LPP: variants seen among roughly 807,000 people sequenced by gnomAD.
LPP encodes the protein lipoma-preferred partner.
LPP carries 38 observed loss-of-function variants against 60.4 expected under a neutral mutation model. The ratio of observed to expected loss-of-function variants is 0.63; its 90% CI spans 0.49 to 0.83. The LOEUF (loss-of-function observed/expected upper bound fraction) is 0.83, where lower values mean the gene tolerates loss of function less well. Ranked by LOEUF, LPP falls within the 40% of genes least tolerant of loss-of-function variation. The probability of loss-of-function intolerance (pLI) is 0.00; values close to 1 mark genes in which losing one functional copy is unlikely to be tolerated. For missense variants in LPP, 902 were observed against 783.6 expected, an observed-to-expected ratio of 1.15 and a Z score of -1.80; for synonymous variants, 328 against 290.8, an observed-to-expected ratio of 1.13 and a Z score of -1.30.
In LPP at chr3:188,613,997, G is replaced by A. The variant is rs181965024; in HGVS notation, c.1113+4153G>A. Among the ~76,000 whole-genome samples, 66 of 151,294 alleles carry A rather than the reference G, an allele frequency of 4.4e-4. No individual in the cohort carries two copies. In the East Asian group the frequency reaches 0.01, roughly 24 times the overall value. ...GGCTGGGGTGCAATGACGTGATCTCGGCTCACTGCAACCTCCACCTCCCGG... is the reference window on the plus strand; with the variant it reads ...GGCTGGGGTGCAATGACGTGATCTCAGCTCACTGCAACCTCCACCTCCCGG... On this transcript the variant is annotated intron_variant, in intron 7 of 11. Coordinates refer to ENST00000617246, the MANE Select transcript of LPP (RefSeq NM_001375462.1).
chr3:188,618,027 A>G (rs960271553), intron 7 of LPP, among the ~76,000 whole-genome samples: 1 of 152,212 alleles, frequency 6.6e-6, no homozygotes, highest in African/African-American at 2.4e-5. Flanking sequence ...TTATTGATAA[A>G]TAATTTCTGG....
At chr3:188,779,512 G>A (rs188329598) in intron 9 of LPP, among the ~76,000 whole-genome samples, 1 of 152,002 alleles carries the variant, frequency 6.6e-6, no homozygotes, top group East Asian at 1.9e-4. Context: ...TTCATTTTGT[G>A]CCAAGTAACC....
At chr3:188,592,553 T>TTTTTTTTTTTTTTTTG (rs1553936328) in intron 6 of LPP, among the ~76,000 whole-genome samples, 50 of 121,318 alleles carry the variant, frequency 4.1e-4, no homozygotes, top group East Asian at 9.9e-4. Flanking sequence ...TTAGTTTTGT[T>TTTTTTTTTTTTTTTTG]TTTGTTTTTT....
At chr3:188,312,548 A>G (rs984313306) in intron 2 of LPP, among the ~76,000 whole-genome samples, 6 of 152,254 alleles carry the variant, frequency 3.9e-5, no homozygotes, top group Non-Finnish European at 7.4e-5. Flanking sequence ...GTGATATTTA[A>G]AAAGAAATTT....
intron 7 of LPP, among the ~76,000 whole-genome samples, chr3:188,662,381 T>C (rs185412478): frequency 2.7e-4 from 41 of 152,318 alleles, no homozygotes; most frequent in African/African-American, 8.7e-4. Flanking sequence ...ATAGATACCA[T>C]GGACTTTGCT....
intron 6 of LPP, among the ~76,000 whole-genome samples, chr3:188,586,483 G>T (rs1364304911): frequency 2.0e-5 from 3 of 152,142 alleles, no homozygotes; most frequent in Non-Finnish European, 4.4e-5. Context: ...GAAAACTTTG[G>T]AAAGTACATG....
In LPP at chr3:188,706,513, A is replaced by G. The variant is rs554250754; in HGVS notation, c.1114-1754A>G. Among the ~76,000 whole-genome samples the G allele has an allele frequency of 5.3e-5, 8 of 152,360 alleles. No homozygotes were observed. In the East Asian group the frequency reaches 1.5e-3, roughly 29 times the overall value. On this transcript the variant is annotated intron_variant, in intron 7 of 11. Coordinates refer to ENST00000617246, the MANE Select transcript of LPP (RefSeq NM_001375462.1). ...TGTATATTTTGGGAAACCAAAAAAA[A>G]TGGAAATTATTTTAGAGAAAAGGCC...
chr3:188,741,397 A>C (rs1422701359), intron 8 of LPP, among the ~76,000 whole-genome samples: 1 of 152,020 alleles, frequency 6.6e-6, no homozygotes, highest in Admixed American at 6.6e-5. Flanking sequence ...TCTTTTCCAA[A>C]ATTAGTTGAA....
chr3:188,443,155 A>G (rs1794440426), intron 4 of LPP, among the ~76,000 whole-genome samples: 1 of 152,236 alleles, frequency 6.6e-6, no homozygotes, highest in Non-Finnish European at 1.5e-5. Flanking sequence ...CCTGTACACA[A>G]AGGTACACAT....
At chr3:188,743,836 C>T (rs1187593174) in intron 8 of LPP, 1 of 152,090 alleles carries the variant, frequency 6.6e-6, no homozygotes, top group East Asian at 1.9e-4. Flanking sequence ...GGCCAGTTTT[C>T]CCATCCTCAT....
At chr3:188,519,464 A>T (rs577721901) in intron 5 of LPP, among the ~76,000 whole-genome samples, 2 of 152,326 alleles carry the variant, frequency 1.3e-5, no homozygotes, top group South Asian at 4.2e-4. Context: ...ATAAAAAGAC[A>T]TATCATTTTA....
rs142661833 is a variant in LPP at position 188,609,797 on chromosome 3, A to G, written c.1066A>G (p.Ile356Val). The change falls in exon 7 of 12, where the codon ATC (isoleucine) becomes GTC (valine). Residue 356 changes from isoleucine (I) to valine (V), a missense_variant. By Grantham distance (29) the Ile-to-Val change is conservative. Coordinates refer to ENST00000617246, the MANE Select transcript of LPP (RefSeq NM_001375462.1). This position sits in a 1 kb window ranked among gnomAD's most constrained non-coding sequence, Gnocchi z 6.9. ...YPVTGPKKTY[I>V]TDPVSAPCAP... is the part of the protein sequence containing the mutation. The stretch of plus-strand genomic sequence containing the variant: ...AGTCACTGGTCCCAAGAAGACCTAT[A>G]TCACAGATCCTGTTTCAGCCCCCTG... 5.5e-5 allele frequency: 89 copies of G among 1,613,700 alleles called. No individual in the cohort carries two copies. The highest frequency in any genetic ancestry group is 6.8e-5 in the Non-Finnish European group (80 of 1,179,918).
At chr3:188,346,440 T>C (rs1050050076) in intron 3 of LPP, among the ~76,000 whole-genome samples, 9 of 150,828 alleles carry the variant, frequency 6.0e-5, no homozygotes, top group African/African-American at 1.9e-4. Context: ...TTTTTTTTTT[T>C]TTTAAGTAGA....
chr3:188,855,234 G>A (rs1365825814), intron 9 of LPP, among the ~76,000 whole-genome samples: 1 of 152,198 alleles, frequency 6.6e-6, no homozygotes, highest in Non-Finnish European at 1.5e-5. Flanking sequence ...CAGAAAAGTT[G>A]TAAGAGGCCT....
intron 9 of LPP, among the ~76,000 whole-genome samples, chr3:188,848,606 C>G (rs1455876005): frequency 1.3e-5 from 2 of 152,156 alleles, no homozygotes; most frequent in Non-Finnish European, 2.9e-5. Context: ...ATCATCTAGT[C>G]CAACCTCTTT....
At chr3:188,841,389 A>ATT (rs769453833) in intron 9 of LPP, among the ~76,000 whole-genome samples, 2 of 94,556 alleles carry the variant, frequency 2.1e-5, no homozygotes, top group African/African-American at 4.7e-5. Context: ...CCCTTTCTGA[A>ATT]TTTGTTTTTT....
intron 1 of LPP, among the ~76,000 whole-genome samples, chr3:188,184,446 G>A (rs1055039663): frequency 1.3e-5 from 2 of 152,142 alleles, no homozygotes; most frequent in African/African-American, 2.4e-5. Flanking sequence ...GCTGCCTGGG[G>A]AGCTTACACG....
chr3:188,326,241 G>A (rs778198435), intron 2 of LPP, among the ~76,000 whole-genome samples: 4 of 152,180 alleles, frequency 2.6e-5, no homozygotes, highest in African/African-American at 4.8e-5. Context: ...GGTGATGTGC[G>A]TATGTGAACC....
At chr3:188,305,657 A>G (rs1271002589) in intron 2 of LPP, among the ~76,000 whole-genome samples, 1 of 152,224 alleles carries the variant, frequency 6.6e-6, no homozygotes, top group Non-Finnish European at 1.5e-5. Flanking sequence ...CTCTTTGACT[A>G]TAGACTTAAG....
Sources: gnomAD v4.1 joint callset for allele counts (sites outside exome capture counted in the v4.1 genomes callset) on GRCh38, gnomAD v4.1.1 for gene constraint, Gnocchi (gnomAD v3.1) non-coding constraint, MANE v1.5 for transcripts, NCBI Gene and HGNC (gene_info 2026-07-23, HGNC 2026-07-21) for gene names.